Variants in ZNF283 observed in about 807,000 individuals in gnomAD.
ZNF283 encodes the protein zinc finger protein 283, also known as zinc finger protein 41.
In ZNF283, 10 loss-of-function variants were observed where a neutral mutation model predicts 9.2. That is an observed-to-expected ratio of 1.09 (90% confidence interval 0.67 to 1.85). The LOEUF (loss-of-function observed/expected upper bound fraction) is 1.85, where lower values mean the gene tolerates loss of function less well. Ranked by LOEUF, ZNF283 falls within the 40% of genes most tolerant of loss-of-function variation. The pLI is 0.00. For missense variants in ZNF283, 631 were observed against 760.1 expected, an observed-to-expected ratio of 0.83 and a Z score of 2.00; for synonymous variants, 234 against 244.1, an observed-to-expected ratio of 0.96 and a Z score of 0.38.
intron 4 of ZNF283, among the ~76,000 whole-genome samples, chr19:43,834,204 C>T (rs765083344): frequency 4.6e-5 from 7 of 151,048 alleles, no homozygotes; most frequent in Non-Finnish European, 7.4e-5. Context: ...GGTTCAGATA[C>T]AAAATAAATC....
At chr19:43,838,170 T>G (rs1010112679) in intron 6 of ZNF283, 9 of 152,238 alleles carry the variant, frequency 5.9e-5, no homozygotes, top group African/African-American at 2.2e-4. Flanking sequence ...GATGCTGCGT[T>G]CTTCTCCCTG....
In ZNF283 at chr19:43,847,889, C is replaced by T; in HGVS notation, c.1288C>T (p.Pro430Ser). The T allele has an allele frequency of 6.2e-7, 1 of 1,611,730 alleles. No homozygotes were observed. Among genetic ancestry groups the T allele is most frequent in the Non-Finnish European group, 8.5e-7 (1 of 1,179,552 alleles). The change falls in exon 7 of 7, where the codon CCT becomes TCT. Residue 430 changes from proline to serine, a missense_variant. Coordinates refer to ENST00000618787, the MANE Select transcript of ZNF283 (RefSeq NM_181845.2). ...QHERIHTGEK[P>S]YECKECGKAF... ...TGAAAGAATTCATACTGGTGAGAAA[C>T]CTTATGAATGTAAAGAATGTGGAAA... is the stretch of plus-strand genomic sequence containing the variant.
intron 6 of ZNF283, 121 bp from the exon 7 acceptor site, chr19:43,846,818 C>A: frequency 2.9e-6 from 2 of 688,750 alleles, no homozygotes; most frequent in South Asian, 2.5e-5. Context: ...CAAGGGAGTG[C>A]CTTAATGCCA....
Position 43,848,145 on chromosome 19 carries a change from A to T in ZNF283, c.1544A>T (p.Tyr515Phe). ...HQVFHTGEKP[Y>F]ECKECGKAFN... Reference sequence around the variant, plus strand: ...GTATTTCACACTGGTGAGAAACCCTATGAATGTAAGGAATGTGGGAAGGCT... The same window carrying T: ...GTATTTCACACTGGTGAGAAACCCTTTGAATGTAAGGAATGTGGGAAGGCT... Residue 515 changes from tyrosine to phenylalanine, a missense_variant, in exon 7 of 7, where the codon TAT (tyrosine) becomes TTT (phenylalanine). Physicochemically the swap from Tyr to Phe is conservative, Grantham distance 22. Coordinates refer to ENST00000618787, the MANE Select transcript of ZNF283 (RefSeq NM_181845.2). 6.2e-7 allele frequency: 1 copy of T among 1,613,758 alleles called. No homozygotes were observed. Among genetic ancestry groups the T allele is most frequent in the East Asian group, 2.2e-5 (1 of 44,862 alleles).
chr19:43,836,612 G>T (rs772827400), intron 5 of ZNF283, among the ~76,000 whole-genome samples: 115 of 152,190 alleles, frequency 7.6e-4, no homozygotes, highest in Non-Finnish European at 1.3e-3. Context: ...AAGTGCTTGG[G>T]ATTACGGGCA....
chr19:43,845,944 A>G (rs8106802), intron 6 of ZNF283, among the ~76,000 whole-genome samples: 61,467 of 151,978 alleles, frequency 0.4, 12,854 homozygotes, highest in South Asian at 0.55. Context: ...TGTGTGTATC[A>G]CATTGATTTT....
At chr19:43,829,644 C>A (rs568152197) in intron 2 of ZNF283, among the ~76,000 whole-genome samples, 23 of 152,132 alleles carry the variant, frequency 1.5e-4, no homozygotes, top group Non-Finnish European at 2.8e-4. Flanking sequence ...TATTATTGGG[C>A]TCTTCTAGAT....
chr19:43,847,222 T>C lies in ZNF283; in HGVS notation c.621T>C (p.Tyr207=), dbSNP rs1159390619. Residue 207 remains tyrosine, a synonymous_variant, in exon 7 of 7, where the codon TAT becomes TAC. Coordinates refer to ENST00000618787, the MANE Select transcript of ZNF283 (RefSeq NM_181845.2). The part of the protein sequence containing the change: ...HQRIHNTEKS[Y]VCKECGKACS... Reference sequence around the variant, plus strand: ...GAATTCATAATACAGAGAAATCCTATGTTTGTAAGGAATGTGGGAAGGCTT... The same window carrying C: ...GAATTCATAATACAGAGAAATCCTACGTTTGTAAGGAATGTGGGAAGGCTT... 1 of 1,613,918 alleles carries C rather than the reference T, an allele frequency of 6.2e-7. No individual in the cohort carries two copies. The highest frequency in any genetic ancestry group is 1.1e-5 in the South Asian group (1 of 91,080).
At chr19:43,833,030 A>G (rs903052261) in intron 3 of ZNF283, among the ~76,000 whole-genome samples, 3 of 67,456 alleles carry the variant, frequency 4.4e-5, no homozygotes, top group Non-Finnish European at 1.0e-4. Context: ...CCTGTCTCTG[A>G]AAAAAAAAAA....
At chr19:43,835,734 CA>C in intron 5 of ZNF283, 142 bp downstream of exon 5, 1 of 627,142 alleles carries the variant, frequency 1.6e-6, no homozygotes, top group Non-Finnish European at 2.8e-6. Flanking sequence ...TGCTTGGTCT[CA>C]ACCTCAGTTT....
chr19:43,840,469 G>A (rs1158774286), intron 6 of ZNF283, among the ~76,000 whole-genome samples: 6 of 152,170 alleles, frequency 3.9e-5, no homozygotes, highest in African/African-American at 1.2e-4. Context: ...GTGGAGCTGA[G>A]GAGTGAAGGA....
At chr19:43,836,845 T>C (rs1016262575) in intron 5 of ZNF283, among the ~76,000 whole-genome samples, 2 of 152,270 alleles carry the variant, frequency 1.3e-5, no homozygotes, top group African/African-American at 4.8e-5. Context: ...GGAAGTTTTT[T>C]CTGCTATAAC....
Position 43,847,275 on chromosome 19 carries a change from A to G in ZNF283, c.674A>G (p.His225Arg), listed in dbSNP as rs370558651. The G allele has an allele frequency of 6.2e-6, 10 of 1,613,976 alleles. 1 individual carries two copies. Among genetic ancestry groups the G allele is most frequent in the South Asian group, 2.2e-5 (2 of 91,080 alleles). Residue 225 changes from histidine (H) to arginine (R), a missense_variant, in exon 7 of 7, where the codon CAT becomes CGT. By Grantham distance (29) the His-to-Arg change is conservative. Transcript: ENST00000618787. Reference protein sequence around the residue: ...ACSHGSKLVQHERTHTAEKHF... With the variant: ...ACSHGSKLVQRERTHTAEKHF... ...AGTCATGGCTCAAAACTTGTTCAACATGAGAGAACTCATACAGCTGAAAAA... is the reference window on the plus strand; with the variant it reads ...AGTCATGGCTCAAAACTTGTTCAACGTGAGAGAACTCATACAGCTGAAAAA...
Position 43,835,574 on chromosome 19 carries a change from T to C in ZNF283, c.192T>C (p.Asn64=), listed in dbSNP as rs1462282840. The C allele has an allele frequency of 1.2e-6, 2 of 1,607,916 alleles. No homozygotes were observed. The part of the protein sequence containing the change: ...ESHGALISSC[N]SRTMTDGLVT... ...ATGGAGCATTAATTAGTTCTTGCAATTCCAGAACCATGACTGATGTAAGTT... is the reference window on the plus strand; with the variant it reads ...ATGGAGCATTAATTAGTTCTTGCAACTCCAGAACCATGACTGATGTAAGTT... Residue 64 remains asparagine (N), a synonymous_variant, in exon 5 of 7, where the codon AAT becomes AAC. Transcript: ENST00000618787.
chr19:43,847,491 G>A lies in ZNF283; in HGVS notation c.890G>A (p.Gly297Glu). 1 of 1,613,300 alleles carries A rather than the reference G, an allele frequency of 6.2e-7. No homozygotes were observed. Among genetic ancestry groups the A allele is most frequent in the Non-Finnish European group, 8.5e-7 (1 of 1,179,652 alleles). The change falls in exon 7 of 7, where the codon GGG becomes GAG. Residue 297 changes from glycine to glutamate, a missense_variant. Gly to Glu is a moderately conservative substitution (Grantham distance 98, BLOSUM62 -2). This residue lies in a region of ZNF283 where 444 missense variants were observed against 522.5 expected (regional missense o/e 0.85). Coordinates refer to ENST00000618787, the MANE Select transcript of ZNF283 (RefSeq NM_181845.2). Reference protein sequence around the residue: ...GEKPYECKECGKAFSRGYHLT... With the variant: ...GEKPYECKECEKAFSRGYHLT... ...AAACCCTATGAATGTAAAGAATGTGGGAAGGCCTTTAGTCGTGGCTATCAC... is the reference window on the plus strand; with the variant it reads ...AAACCCTATGAATGTAAAGAATGTGAGAAGGCCTTTAGTCGTGGCTATCAC...
At chr19:43,837,383 C>T in intron 6 of ZNF283, 1 of 448,840 alleles carries the variant, frequency 2.2e-6, no homozygotes. Context: ...TTACACCATT[C>T]TCGGGCCCTC....
At chr19:43,828,724 T>C (rs991202239) in intron 2 of ZNF283, among the ~76,000 whole-genome samples, 21 of 152,076 alleles carry the variant, frequency 1.4e-4, no homozygotes, top group African/African-American at 5.1e-4. Flanking sequence ...AGTATAGTCA[T>C]AGCTCAGTGC....
chr19:43,836,268 C>T (rs1970975117), intron 5 of ZNF283, among the ~76,000 whole-genome samples: 1 of 152,130 alleles, frequency 6.6e-6, no homozygotes, highest in Non-Finnish European at 1.5e-5. Context: ...TTGATAGTCC[C>T]TAATTTAATG....
intron 5 of ZNF283, among the ~76,000 whole-genome samples, chr19:43,836,645 T>C (rs1433781298): frequency 6.6e-6 from 1 of 152,306 alleles, no homozygotes; most frequent in South Asian, 2.1e-4. Flanking sequence ...CCTGGCCTTG[T>C]TTTTATTTCT....
Sources: gnomAD v4.1 joint callset for allele counts (sites outside exome capture counted in the v4.1 genomes callset) on GRCh38, gnomAD v4.1.1 for gene constraint, gnomAD v4.1.1 regional missense constraint, MANE v1.5 for transcripts, NCBI Gene and HGNC (gene_info 2026-07-23, HGNC 2026-07-21) for gene names.